Variants in DCAF1 observed in about 807,000 individuals in gnomAD.
DCAF1 encodes the protein DDB1 and CUL4 associated factor 1.
Under a neutral mutation model 128.0 loss-of-function variants are expected in DCAF1, and 15 were observed. That is an observed-to-expected ratio of 0.12 (90% CI 0.08 to 0.18). The LOEUF is 0.18. Ranked by LOEUF, DCAF1 falls within the 10% of genes least tolerant of loss-of-function variation. The probability of loss-of-function intolerance (pLI) is 1.00; values close to 1 mark genes in which losing one functional copy is unlikely to be tolerated. For missense variants in DCAF1, 988 were observed against 1,649.5 expected (o/e 0.60, Z 6.95); for synonymous variants, 610 against 603.0 (o/e 1.01, Z -0.17).
chr3:51,483,489 G>C (rs1468957073), intron 3 of DCAF1, among the ~76,000 whole-genome samples: 2 of 151,624 alleles, frequency 1.3e-5, no homozygotes, highest in Non-Finnish European at 2.9e-5. Context: ...ACAGCTTCAG[G>C]AAGTAGGGAG....
rs557843419 is a variant in DCAF1 at position 51,491,737 on chromosome 3, A to AG, written c.-9+4996dup. Among the ~76,000 whole-genome samples, 687 of 151,350 alleles carry AG rather than the reference A, an allele frequency of 4.5e-3. 4 individuals are homozygous for AG. The highest frequency in any genetic ancestry group is 0.016 in the African/African-American group (660 of 41,284). On this transcript the variant is annotated intron_variant, in intron 2 of 24. Coordinates refer to ENST00000684031, the MANE Select transcript of DCAF1 (RefSeq NM_001387579.1). ...GGCGCGCCTGTAACCCCAGCTACTC[A>AG]GGGGGGCTGAGGCAGGAGAACTGCT...
chr3:51,500,085 G>A (rs1708705924), upstream of DCAF1: 1 of 128,240 alleles, frequency 7.8e-6, no homozygotes, highest in African/African-American at 2.9e-5. Flanking sequence ...CCGCGAGCAA[G>A]GGGCGGGAAG....
chr3:51,418,750 A>T lies in DCAF1; in HGVS notation c.3363T>A (p.Asn1121Lys). 1 of 1,614,034 alleles carries T rather than the reference A, an allele frequency of 6.2e-7. No homozygotes were observed. The highest frequency in any genetic ancestry group is 8.5e-7 in the Non-Finnish European group (1 of 1,179,896). ...TGGCCTCCTCCTGTCCACTAAACACATTATAGAGCTTCAGCTGCCCTGTGC... is the reference window on the plus strand; with the variant it reads ...TGGCCTCCTCCTGTCCACTAAACACTTTATAGAGCTTCAGCTGCCCTGTGC... The part of the protein sequence containing the change: ...GTCTGQLKLY[N>K]VFSGQEEASY... Residue 1121 changes from asparagine (N) to lysine (K), a missense_variant, in exon 16 of 25, where the codon AAT (asparagine) becomes AAA (lysine). By Grantham distance (94) the Asn-to-Lys change is moderately conservative (BLOSUM62 0). Coordinates refer to ENST00000684031, the MANE Select transcript of DCAF1 (RefSeq NM_001387579.1).
chr3:51,421,598 C>T (rs1029706478), intron 14 of DCAF1, among the ~76,000 whole-genome samples: 5 of 152,064 alleles, frequency 3.3e-5, no homozygotes, highest in South Asian at 2.1e-4. Flanking sequence ...ACCTTAGGAA[C>T]GGAGAAAGCC....
intron 5 of DCAF1, among the ~76,000 whole-genome samples, chr3:51,464,451 T>C (rs975239423): frequency 6.6e-6 from 1 of 151,970 alleles, no homozygotes; most frequent in Non-Finnish European, 1.5e-5. Flanking sequence ...TCCCAGCACA[T>C]TGGGTGGCCA....
intron 23 of DCAF1, among the ~76,000 whole-genome samples, 160 bp downstream of exon 23, chr3:51,412,219 T>TA (rs1394651743): frequency 2.0e-5 from 3 of 152,070 alleles, no homozygotes. Flanking sequence ...ATAATAAAAT[T>TA]TCTTCTGAGT....
intron 1 of DCAF1, among the ~76,000 whole-genome samples, chr3:51,499,562 T>G (rs2108634605): frequency 6.6e-6 from 1 of 151,290 alleles, no homozygotes; most frequent in South Asian, 2.1e-4. Context: ...AATGCGCCCC[T>G]CCTCCAGGTA....
chr3:51,437,534 G>C, intron 9 of DCAF1: 1 of 340,100 alleles, frequency 2.9e-6, no homozygotes. Context: ...TATAACAGGG[G>C]GCTGGGCACA....
intron 7 of DCAF1, 33 bp from the exon 8 acceptor site, chr3:51,441,930 C>A (rs782200098): frequency 8.4e-6 from 13 of 1,549,912 alleles, no homozygotes; most frequent in Non-Finnish European, 1.1e-5. Flanking sequence ...AAAGGGGGTG[C>A]CTCTTTATTA....
At chr3:51,432,184 T>C (rs1472904875) in intron 10 of DCAF1, among the ~76,000 whole-genome samples, 3 of 149,536 alleles carry the variant, frequency 2.0e-5, no homozygotes, top group African/African-American at 7.4e-5. Context: ...GGCAGAAGAA[T>C]TGCTTGAACC....
chr3:51,424,628 C>T (rs950293411), intron 13 of DCAF1, among the ~76,000 whole-genome samples: 6 of 152,038 alleles, frequency 3.9e-5, no homozygotes, highest in Non-Finnish European at 4.4e-5. Context: ...CAAACAAAAA[C>T]ACTAAATTAG....
chr3:51,396,105 G>GTT (rs781883187), downstream of DCAF1: 54 of 409,630 alleles, frequency 1.3e-4, no homozygotes, highest in Non-Finnish European at 2.2e-4. Context: ...TTGGTATGTT[G>GTT]TTAAGTCCAA....
In DCAF1 at chr3:51,418,696, T is replaced by G. The variant is rs782373811; in HGVS notation, c.3417A>C (p.Thr1139=). ...ASYNCHNSAI[T]HLEPSRDGSL... The stretch of plus-strand genomic sequence containing the variant: ...CCCTTACCCTGGAAGGTTCAAGATG[T>G]GTGATGGCTGAGTTGTGACAGTTAT... Residue 1139 remains threonine (T), a synonymous_variant, in exon 16 of 25, where the codon ACA becomes ACC. Transcript: ENST00000684031. 4.3e-6 allele frequency: 7 copies of G among 1,613,162 alleles called. No individual in the cohort carries two copies. The highest frequency in any genetic ancestry group is 5.9e-6 in the Non-Finnish European group (7 of 1,179,666).
intron 8 of DCAF1, 117 bp downstream of exon 8, chr3:51,441,268 A>G: frequency 7.4e-7 from 1 of 1,357,640 alleles, no homozygotes; most frequent in Non-Finnish European, 9.9e-7. Context: ...GTTTCATGCA[A>G]ACCCTTGTTT....
chr3:51,427,128 C>G (rs1226291354), intron 13 of DCAF1, among the ~76,000 whole-genome samples: 1 of 152,158 alleles, frequency 6.6e-6, no homozygotes, highest in Non-Finnish European at 1.5e-5. Flanking sequence ...GTACCTTCTC[C>G]GACAGTACAG....
At chr3:51,401,865 C>T (rs1472371856) in intron 24 of DCAF1, among the ~76,000 whole-genome samples, 1 of 152,196 alleles carries the variant, frequency 6.6e-6, no homozygotes, top group African/African-American at 2.4e-5. Context: ...CTTTGTCTGA[C>T]CAGGCTTCGG....
chr3:51,491,665 T>G (rs969094249), intron 2 of DCAF1, among the ~76,000 whole-genome samples: 9 of 151,430 alleles, frequency 5.9e-5, no homozygotes, highest in Admixed American at 2.0e-4. Flanking sequence ...TGGCCAACAT[T>G]GTGAAACCCC....
At chr3:51,479,790 C>T (rs1184637226) in intron 3 of DCAF1, among the ~76,000 whole-genome samples, 1 of 151,648 alleles carries the variant, frequency 6.6e-6, no homozygotes, top group African/African-American at 2.4e-5. Context: ...AGCGAGACTC[C>T]GTCTCAAAAA....
chr3:51,490,418 G>A (rs186110051), intron 2 of DCAF1, among the ~76,000 whole-genome samples: 179 of 152,152 alleles, frequency 1.2e-3, no homozygotes, highest in African/African-American at 3.8e-3. Flanking sequence ...AAGACATAGC[G>A]GGACCCTGTC....
Sources: gnomAD v4.1 joint callset for allele counts (sites outside exome capture counted in the v4.1 genomes callset) on GRCh38, gnomAD v4.1.1 for gene constraint, MANE v1.5 for transcripts, NCBI Gene and HGNC (gene_info 2026-07-23, HGNC 2026-07-21) for gene names.